The following ASIC2 variants were observed in gnomAD, a reference collection of about 807,000 sequenced individuals.
ASIC2 encodes the protein acid sensing ion channel subunit 2.
Under a neutral mutation model 57.3 loss-of-function variants are expected in ASIC2, and 25 were observed. The ratio of observed to expected loss-of-function variants is 0.44; its 90% confidence interval spans 0.32 to 0.61. The LOEUF is 0.61. Ranked by LOEUF, ASIC2 falls within the 20% of genes least tolerant of loss-of-function variation. The pLI is 0.06. For synonymous variants in ASIC2, 319 were observed against 307.5 expected, an observed-to-expected ratio of 1.04 and a Z score of -0.39; for missense variants, 641 against 738.1, an observed-to-expected ratio of 0.87 and a Z score of 1.52.
At chr17:33,293,411 C>T (rs1193888492), upstream of ASIC2, among the ~76,000 whole-genome samples, 1 of 151,260 alleles carries the variant, frequency 6.6e-6, no homozygotes, top group Admixed American at 6.6e-5. Flanking sequence ...CGCTGCACAC[C>T]GAGCGGGAAG....
chr17:33,968,498 G>A (rs555308841), intron 1 of ASIC2, among the ~76,000 whole-genome samples: 1 of 152,354 alleles, frequency 6.6e-6, no homozygotes, highest in South Asian at 2.1e-4. Context: ...GGAACAGATT[G>A]CAGGAGCAAT....
chr17:33,198,955 T>C (rs1170275909), intron 1 of ASIC2, among the ~76,000 whole-genome samples: 1 of 152,238 alleles, frequency 6.6e-6, no homozygotes, highest in African/African-American at 2.4e-5. Flanking sequence ...ATTGCTCTTT[T>C]GATTTAACCT....
At chr17:33,075,950 AG>A (rs1462840276) in intron 3 of ASIC2, among the ~76,000 whole-genome samples, 2 of 152,216 alleles carry the variant, frequency 1.3e-5, no homozygotes, top group African/African-American at 4.8e-5. Flanking sequence ...GCTAAGGAAC[AG>A]TTAAAAACGG....
intron 1 of ASIC2, among the ~76,000 whole-genome samples, chr17:34,013,737 G>C (rs1411897282): frequency 6.6e-6 from 1 of 150,510 alleles, no homozygotes; most frequent in Non-Finnish European, 1.5e-5. Context: ...AGCATATGAA[G>C]AGGCTTCTGA....
intron 1 of ASIC2, among the ~76,000 whole-genome samples, chr17:33,308,563 T>C (rs1000771223): frequency 6.6e-6 from 1 of 152,144 alleles, no homozygotes; most frequent in South Asian, 2.1e-4. Context: ...CCTTGTTCAG[T>C]GCGTGGAATA....
chr17:33,410,559 C>T (rs1458893699), intron 1 of ASIC2, among the ~76,000 whole-genome samples: 1 of 152,216 alleles, frequency 6.6e-6, no homozygotes, highest in Non-Finnish European at 1.5e-5. Context: ...ATGCCTGTGG[C>T]TCGTCTCCAG....
intron 1 of ASIC2, among the ~76,000 whole-genome samples, chr17:33,304,286 C>T (rs1906080533): frequency 6.6e-6 from 1 of 152,122 alleles, no homozygotes; most frequent in Non-Finnish European, 1.5e-5. Flanking sequence ...TGAACATGAA[C>T]AATGGTCAGA....
At chr17:33,366,879 CCT>C (rs1337063818) in intron 1 of ASIC2, among the ~76,000 whole-genome samples, 1 of 152,082 alleles carries the variant, frequency 6.6e-6, no homozygotes, top group African/African-American at 2.4e-5. Flanking sequence ...CTTTGTACAC[CCT>C]GTTAATAAAT....
At chr17:33,268,385 C>A (rs1686365170) in intron 1 of ASIC2, among the ~76,000 whole-genome samples, 1 of 146,688 alleles carries the variant, frequency 6.8e-6, no homozygotes, top group Non-Finnish European at 1.5e-5. Flanking sequence ...ATCCATCCAT[C>A]CATCCATCTA....
At chr17:33,247,238 T>C (rs1400891666) in intron 1 of ASIC2, among the ~76,000 whole-genome samples, 1 of 152,176 alleles carries the variant, frequency 6.6e-6, no homozygotes, top group Non-Finnish European at 1.5e-5. Flanking sequence ...GTGAGCCAAT[T>C]TCTAGTCAAA....
At position 34,084,746 on chromosome 17, in the gene ASIC2, G is replaced by A. The variant is rs1237244012; in HGVS notation, c.555+71232C>T. Among the ~76,000 whole-genome samples, 4 of 152,176 alleles carry A rather than the reference G, an allele frequency of 2.6e-5. No individual in the cohort carries two copies. The East Asian group carries it at 7.7e-4, about 29-fold the overall frequency. The stretch of plus-strand genomic sequence containing the variant: ...GCAGTGGTTTGTAGTTCTCCTTGAA[G>A]AGGTCCTTTACGTCCCTTGTAAGGT... On this transcript the variant is annotated intron_variant, in intron 1 of 9. Transcript: ENST00000359872.
At chr17:33,256,815 G>C (rs897802916) in intron 1 of ASIC2, among the ~76,000 whole-genome samples, 22 of 152,280 alleles carry the variant, frequency 1.4e-4, no homozygotes, top group African/African-American at 5.3e-4. Flanking sequence ...CTGGGCAACA[G>C]AGTGAGACTC....
intron 1 of ASIC2, among the ~76,000 whole-genome samples, chr17:33,412,735 T>C (rs1203217536): frequency 2.0e-5 from 3 of 151,652 alleles, no homozygotes; most frequent in African/African-American, 7.3e-5. Context: ...CTTCTGAGAG[T>C]GTGAGAGGAG....
chr17:34,001,083 C>A lies in ASIC2; in HGVS notation c.555+154895G>T, dbSNP rs562732001. The A allele has an allele frequency of 5.9e-5, 9 of 152,202 alleles. No homozygotes were observed. The East Asian group carries it at 1.7e-3, about 29-fold the overall frequency. 9.4% of individuals were successfully genotyped at this position (152,202 alleles called of 1,614,324 possible). On this transcript the variant is annotated intron_variant, in intron 1 of 9. Coordinates refer to the ASIC2 transcript ENST00000359872. ...TCAGGCAATTCATATAGTTCCATTT[C>A]TTTAGTGTTGGTTACTGGTGCTTTA...
chr17:34,037,378 G>GC (rs1370209191), intron 1 of ASIC2: 2 of 450,486 alleles, frequency 4.4e-6, no homozygotes, highest in Non-Finnish European at 7.9e-6. Flanking sequence ...ACACACAGTG[G>GC]CCGTTGACGC....
chr17:33,306,374 A>G (rs1291659183), intron 1 of ASIC2, among the ~76,000 whole-genome samples: 1 of 152,080 alleles, frequency 6.6e-6, no homozygotes, highest in Admixed American at 6.5e-5. Context: ...CATTTCACAT[A>G]CCCACACATT....
chr17:33,921,838 G>A (rs1054908429), intron 1 of ASIC2, among the ~76,000 whole-genome samples: 1 of 152,174 alleles, frequency 6.6e-6, no homozygotes, highest in Non-Finnish European at 1.5e-5. Context: ...TCATTATGGG[G>A]AATTTTCCCA....
At chr17:33,580,910 A>AT (rs1475374694) in intron 1 of ASIC2, among the ~76,000 whole-genome samples, 1 of 152,236 alleles carries the variant, frequency 6.6e-6, no homozygotes, top group African/African-American at 2.4e-5. Flanking sequence ...GGCCACGGTC[A>AT]TGTAGATACC....
chr17:33,084,969 A>G (rs1598268347), intron 3 of ASIC2, among the ~76,000 whole-genome samples: 1 of 152,344 alleles, frequency 6.6e-6, no homozygotes, highest in East Asian at 1.9e-4. Flanking sequence ...AATTTAAAAC[A>G]TTTGGAAAGG....
Sources: gnomAD v4.1 joint callset for allele counts (sites outside exome capture counted in the v4.1 genomes callset) on GRCh38, gnomAD v4.1.1 for gene constraint, MANE v1.5 for transcripts, NCBI Gene and HGNC (gene_info 2026-07-23, HGNC 2026-07-21) for gene names.